SNCAIP: variants seen among roughly 807,000 people sequenced by gnomAD.
The protein encoded by SNCAIP is synphilin-1.
SNCAIP carries 43 observed loss-of-function variants against 86.7 expected under a neutral mutation model. That is an observed-to-expected ratio of 0.50 (90% CI 0.39 to 0.64). The LOEUF is 0.64. SNCAIP is among the 30% of genes least tolerant of loss of function. The probability of loss-of-function intolerance (pLI) is 0.00; values close to 1 mark genes in which losing one functional copy is unlikely to be tolerated. For synonymous variants in SNCAIP, 417 were observed against 427.2 expected, an observed-to-expected ratio of 0.98 and a Z score of 0.29; for missense variants, 981 against 1,103.1, an observed-to-expected ratio of 0.89 and a Z score of 1.57.
At chr5:122,352,049 A>G (rs1475174249) in intron 1 of SNCAIP, among the ~76,000 whole-genome samples, 1 of 152,234 alleles carries the variant, frequency 6.6e-6, no homozygotes, top group Non-Finnish European at 1.5e-5. Flanking sequence ...TTGGATGCTC[A>G]GTGTTTGTTA....
chr5:122,330,766 A>G (rs2152695371), intron 1 of SNCAIP, among the ~76,000 whole-genome samples: 1 of 152,248 alleles, frequency 6.6e-6, no homozygotes, highest in Non-Finnish European at 1.5e-5. Flanking sequence ...GGATAGTTTC[A>G]GGATGATTCA....
intron 10 of SNCAIP, among the ~76,000 whole-genome samples, chr5:122,456,599 T>C (rs1443131085): frequency 1.3e-5 from 2 of 152,166 alleles, no homozygotes; most frequent in African/African-American, 4.8e-5. Context: ...CTAAAAAGCA[T>C]TTCCAGAATC....
rs755714038 is a variant in SNCAIP, at chr5:122,451,490, C to T, written c.2643C>T (p.Tyr881=). The change falls in exon 10 of 11, where the codon TAC becomes TAT. Residue 881 remains tyrosine, a synonymous_variant. Transcript: ENST00000261368. The part of the protein sequence containing the change: ...LSGNQNNNNN[Y]QAANQLKTST... Reference sequence around the variant, plus strand: ...GCAACCAAAACAATAATAATAACTACCAGGCAGCCAACCAGCTGAAAACCT... The same window carrying T: ...GCAACCAAAACAATAATAATAACTATCAGGCAGCCAACCAGCTGAAAACCT... 6.2e-7 allele frequency: 1 copy of T among 1,613,804 alleles called. No homozygotes were observed. The highest frequency in any genetic ancestry group is 8.5e-7 in the Non-Finnish European group (1 of 1,179,930).
At chr5:122,402,450 T>C (rs1183701856) in intron 2 of SNCAIP, among the ~76,000 whole-genome samples, 1 of 152,190 alleles carries the variant, frequency 6.6e-6, no homozygotes, top group Non-Finnish European at 1.5e-5. Flanking sequence ...ATGGCCAATA[T>C]AAACAGGATG....
At chr5:122,370,746 T>C (rs969236357) in intron 1 of SNCAIP, among the ~76,000 whole-genome samples, 3 of 152,330 alleles carry the variant, frequency 2.0e-5, no homozygotes, top group Non-Finnish European at 4.4e-5. Context: ...TTTATCCTAA[T>C]GTAAAGGAAC....
intron 1 of SNCAIP, among the ~76,000 whole-genome samples, chr5:122,375,620 A>C (rs1440424267): frequency 1.3e-5 from 2 of 152,102 alleles, no homozygotes; most frequent in Non-Finnish European, 2.9e-5. Flanking sequence ...AACAGAAGAC[A>C]CTAAGAACAT....
At chr5:122,412,542 T>A (rs1163698604) in intron 3 of SNCAIP, among the ~76,000 whole-genome samples, 1 of 152,104 alleles carries the variant, frequency 6.6e-6, no homozygotes, top group Non-Finnish European at 1.5e-5. Context: ...CCTTTGCAAC[T>A]CCTCCTCCTT....
chr5:122,381,485 C>T (rs1457292165), intron 1 of SNCAIP, among the ~76,000 whole-genome samples: 1 of 149,006 alleles, frequency 6.7e-6, no homozygotes, highest in East Asian at 2.0e-4. Context: ...TGGGTCTTGA[C>T]TCTTTATCCA....
chr5:122,452,257 A>G (rs977474194), intron 10 of SNCAIP, among the ~76,000 whole-genome samples: 3 of 152,220 alleles, frequency 2.0e-5, no homozygotes, highest in African/African-American at 7.2e-5. Flanking sequence ...CCCATGCACT[A>G]TAATCTGTGA....
intron 1 of SNCAIP, among the ~76,000 whole-genome samples, chr5:122,371,999 A>G (rs1334289906): frequency 1.3e-5 from 2 of 152,244 alleles, no homozygotes; most frequent in Non-Finnish European, 1.5e-5. Context: ...TTAGTAGCCA[A>G]TTAGGGGAAA....
intron 10 of SNCAIP, among the ~76,000 whole-genome samples, chr5:122,455,176 T>C (rs1581423205): frequency 1.3e-5 from 2 of 152,354 alleles, no homozygotes; most frequent in African/African-American, 2.4e-5. Flanking sequence ...TGTGTTTCCA[T>C]AGGAAGTGGA....
At chr5:122,433,141 GTGTGTGTA>G (rs1778738426) in intron 6 of SNCAIP, among the ~76,000 whole-genome samples, 2 of 136,886 alleles carry the variant, frequency 1.5e-5, no homozygotes, top group East Asian at 2.2e-4. Flanking sequence ...GTGTGTGTGT[GTGTGTGTA>G]TAATATATAT....
chr5:122,412,642 C>A (rs917672381), intron 3 of SNCAIP, among the ~76,000 whole-genome samples: 2 of 152,148 alleles, frequency 1.3e-5, no homozygotes, highest in African/African-American at 2.4e-5. Flanking sequence ...GTCTCTCATA[C>A]ATGCTTACAG....
At chr5:122,343,455 G>A (rs1180619225) in intron 1 of SNCAIP, among the ~76,000 whole-genome samples, 4 of 152,114 alleles carry the variant, frequency 2.6e-5, no homozygotes, top group Non-Finnish European at 5.9e-5. Flanking sequence ...ACATCAGTAT[G>A]CCTTTTATAT....
intron 3 of SNCAIP, among the ~76,000 whole-genome samples, chr5:122,417,672 T>G (rs1448748956): frequency 1.3e-5 from 2 of 151,990 alleles, no homozygotes; most frequent in African/African-American, 4.8e-5. Context: ...TCCTCCTTCC[T>G]TCCTTCCCTC....
chr5:122,451,651 T>C (rs1354962155), intron 10 of SNCAIP, 50 bp downstream of exon 10: 1 of 1,298,032 alleles, frequency 7.7e-7, no homozygotes, highest in Non-Finnish European at 1.1e-6. Flanking sequence ...ATGGATTATG[T>C]TGTTCCTAAT....
intron 1 of SNCAIP, among the ~76,000 whole-genome samples, chr5:122,338,180 GATAC>G (rs1321040045): frequency 1.2e-4 from 18 of 152,094 alleles, no homozygotes; most frequent in African/African-American, 3.9e-4. Context: ...AAATAGAACG[GATAC>G]TTCTGCATGA....
At chr5:122,348,886 T>A (rs981826105) in intron 1 of SNCAIP, among the ~76,000 whole-genome samples, 4 of 152,182 alleles carry the variant, frequency 2.6e-5, no homozygotes, top group Non-Finnish European at 5.9e-5. Flanking sequence ...ACAAAAAAAA[T>A]ACGTCCTGAA....
chr5:122,353,055 CA>C (rs1244810185), intron 1 of SNCAIP, among the ~76,000 whole-genome samples: 27 of 152,128 alleles, frequency 1.8e-4, no homozygotes, highest in Admixed American at 8.5e-4. Flanking sequence ...AGTACCTGAC[CA>C]ATTACATTGT....
Sources: allele counts gnomAD v4.1 joint callset (sites outside exome capture counted in the v4.1 genomes callset), GRCh38; gene constraint gnomAD v4.1.1; transcripts MANE v1.5; gene names NCBI Gene and HGNC (gene_info 2026-07-23, HGNC 2026-07-21).